DCLK1: variants seen among roughly 807,000 people sequenced by gnomAD.
The protein encoded by DCLK1 is doublecortin like kinase 1, also known as serine/threonine-protein kinase DCLK1.
Under a neutral mutation model 86.2 loss-of-function variants are expected in DCLK1, and 16 were observed. That is an observed-to-expected ratio of 0.19 (90% confidence interval 0.13 to 0.28). The LOEUF (loss-of-function observed/expected upper bound fraction) is 0.28, where lower values mean the gene tolerates loss of function less well. Among genes scored for constraint, DCLK1 ranks in the 10% least tolerant of loss-of-function variants. The pLI is 1.00. For synonymous variants in DCLK1, 369 were observed against 370.5 expected (o/e 1.00, Z 0.05); for missense variants, 590 against 940.2 (o/e 0.63, Z 4.87).
intron 16 of DCLK1, among the ~76,000 whole-genome samples, chr13:35,781,804 G>C (rs2086530518): frequency 6.6e-6 from 1 of 152,148 alleles, no homozygotes; most frequent in African/African-American, 2.4e-5. Context: ...CCTTTCTTTT[G>C]CTTACCCTTA....
intron 4 of DCLK1, among the ~76,000 whole-genome samples, chr13:35,929,854 A>AT (rs142138377): frequency 0.064 from 5,637 of 88,036 alleles, 379 homozygotes; most frequent in African/African-American, 0.22. Context: ...CCACACAATC[A>AT]TTTTTTTTCT....
At chr13:36,034,526 T>C (rs1882414171) in intron 3 of DCLK1, among the ~76,000 whole-genome samples, 1 of 152,238 alleles carries the variant, frequency 6.6e-6, no homozygotes, top group Non-Finnish European at 1.5e-5. Flanking sequence ...ATTTACAAAC[T>C]GCTTTAAATT....
chr13:35,826,189 A>T (rs995480763), intron 10 of DCLK1, among the ~76,000 whole-genome samples: 1 of 151,908 alleles, frequency 6.6e-6, no homozygotes, highest in African/African-American at 2.4e-5. Flanking sequence ...CTCAAACATG[A>T]CAATACCCTT....
chr13:35,979,222 T>C (rs534093518), intron 3 of DCLK1, among the ~76,000 whole-genome samples: 1 of 152,290 alleles, frequency 6.6e-6, no homozygotes, highest in East Asian at 1.9e-4. Flanking sequence ...CCAAGGGCTG[T>C]CAACGAAGTG....
chr13:35,833,871 T>C (rs868473302), intron 8 of DCLK1, among the ~76,000 whole-genome samples: 6 of 152,236 alleles, frequency 3.9e-5, no homozygotes, highest in Non-Finnish European at 7.3e-5. Context: ...ACTAACTTCA[T>C]GGAGCAATCT....
intron 3 of DCLK1, among the ~76,000 whole-genome samples, chr13:36,094,236 T>C (rs1053913434): frequency 3.9e-5 from 6 of 152,324 alleles, no homozygotes; most frequent in African/African-American, 7.2e-5. Context: ...AAAAGCTACA[T>C]TGGATTCAAT....
intron 3 of DCLK1, among the ~76,000 whole-genome samples, chr13:36,089,347 T>C (rs1169723461): frequency 2.0e-5 from 3 of 152,356 alleles, no homozygotes; most frequent in African/African-American, 7.2e-5. Flanking sequence ...GCTGGCCTGC[T>C]AGGCCTGAAC....
chr13:35,805,960 T>C (rs2153102010), intron 14 of DCLK1, among the ~76,000 whole-genome samples, 181 bp from the exon 15 acceptor site: 1 of 152,354 alleles, frequency 6.6e-6, no homozygotes, highest in African/African-American at 2.4e-5. Context: ...TGGTAAGCAC[T>C]TGGAATTGTA....
intron 11 of DCLK1, among the ~76,000 whole-genome samples, chr13:35,817,739 C>G (rs955938080): frequency 1.3e-5 from 2 of 152,098 alleles, no homozygotes; most frequent in African/African-American, 4.8e-5. Context: ...CAAGGACTCT[C>G]CTGACTCTTT....
chr13:36,069,714 G>A (rs1883895001), intron 3 of DCLK1, among the ~76,000 whole-genome samples: 1 of 152,104 alleles, frequency 6.6e-6, no homozygotes, highest in South Asian at 2.1e-4. Flanking sequence ...TTATTTTTGT[G>A]TTGCTTTGGA....
intron 5 of DCLK1, among the ~76,000 whole-genome samples, chr13:35,864,656 T>G (rs1260200618): frequency 1.4e-5 from 2 of 144,754 alleles, no homozygotes; most frequent in East Asian, 4.0e-4. Flanking sequence ...TCTTCTCTCT[T>G]TTTTTTTTTT....
intron 4 of DCLK1, among the ~76,000 whole-genome samples, chr13:35,923,928 C>A (rs1207452210): frequency 6.6e-6 from 1 of 152,106 alleles, no homozygotes; most frequent in East Asian, 1.9e-4. Context: ...AACTAGACCC[C>A]CTTCTAGCAA....
At chr13:35,923,295 C>T (rs918176932) in intron 4 of DCLK1, among the ~76,000 whole-genome samples, 3 of 152,072 alleles carry the variant, frequency 2.0e-5, no homozygotes, top group African/African-American at 7.2e-5. Flanking sequence ...GACAAGGTCA[C>T]ACTCCAGTTT....
At chr13:35,921,062 C>T (rs1875773281) in intron 4 of DCLK1, among the ~76,000 whole-genome samples, 1 of 152,188 alleles carries the variant, frequency 6.6e-6, no homozygotes, top group Admixed American at 6.5e-5. Context: ...CCTGCATTTA[C>T]CCCTGGGTCC....
chr13:35,924,100 C>T (rs886795526), intron 4 of DCLK1, among the ~76,000 whole-genome samples: 4 of 152,172 alleles, frequency 2.6e-5, no homozygotes, highest in African/African-American at 9.7e-5. Context: ...GTATACTTCT[C>T]CCTGACCTTT....
intron 3 of DCLK1, among the ~76,000 whole-genome samples, chr13:36,072,524 C>T (rs1038090808): frequency 6.6e-6 from 1 of 152,318 alleles, no homozygotes; most frequent in African/African-American, 2.4e-5. Context: ...GACTTCTTTC[C>T]TGAATTCCAG....
Position 35,835,993 on chromosome 13 carries a change from T to G in DCLK1, c.1229+40A>C, listed in dbSNP as rs370094539. On this transcript the variant is annotated intron_variant, in intron 8 of 16. Transcript: ENST00000360631. ...CAATCTTGGAAAACATAACGCCAAATGTAACCTTTAAGGTTTGATGCAAAT... is the reference window on the plus strand; with the variant it reads ...CAATCTTGGAAAACATAACGCCAAAGGTAACCTTTAAGGTTTGATGCAAAT... The G allele has an allele frequency of 1.0e-3, 1,467 of 1,416,458 alleles. 4 individuals are homozygous for G. The highest frequency in any genetic ancestry group is 1.3e-3 in the Non-Finnish European group (1,331 of 1,016,764). The allele number at this position is 1,416,458 out of a possible 1,614,324, so 87.7% of individuals were successfully genotyped here.
At chr13:35,816,747 A>ACCAT (rs1209262741) in intron 11 of DCLK1, among the ~76,000 whole-genome samples, 4 of 152,182 alleles carry the variant, frequency 2.6e-5, no homozygotes, top group Non-Finnish European at 5.9e-5. Flanking sequence ...TGGTCTAACC[A>ACCAT]CCATTGTGCC....
At chr13:35,883,256 G>T (rs1873026390) in intron 4 of DCLK1, among the ~76,000 whole-genome samples, 1 of 152,180 alleles carries the variant, frequency 6.6e-6, no homozygotes, top group Non-Finnish European at 1.5e-5. Flanking sequence ...GGGGCCTAAT[G>T]GGAGGTGACT....
Sources: allele counts gnomAD v4.1 joint callset (sites outside exome capture counted in the v4.1 genomes callset), GRCh38; gene constraint gnomAD v4.1.1; transcripts MANE v1.5; gene names NCBI Gene and HGNC (gene_info 2026-07-23, HGNC 2026-07-21).